Variants in FCSK observed in about 807,000 individuals in gnomAD.
The protein encoded by FCSK is fucose kinase.
FCSK carries 123 observed loss-of-function variants against 122.5 expected under a neutral mutation model. The ratio of observed to expected loss-of-function variants is 1.00; its 90% CI spans 0.87 to 1.17. The LOEUF (loss-of-function observed/expected upper bound fraction) is 1.17, where lower values mean the gene tolerates loss of function less well. FCSK is among the 50% of genes most tolerant of loss of function. FCSK has a pLI of 0.00. For missense variants in FCSK, 1,366 were observed against 1,450.4 expected (o/e 0.94, Z 0.95); for synonymous variants, 620 against 625.5 (o/e 0.99, Z 0.13).
intron 2 of FCSK, 92 bp from the exon 3 acceptor site, chr16:70,463,531 G>C: frequency 6.6e-7 from 1 of 1,521,232 alleles, no homozygotes; most frequent in Non-Finnish European, 9.0e-7. Flanking sequence ...AGTCAAGGAA[G>C]ATCAAACACT....
Position 70,466,266 on chromosome 16 carries a change from G to A in FCSK, c.411+9G>A, listed in dbSNP as rs2048416147. On this transcript the variant is annotated intron_variant, in intron 5 of 23. Coordinates refer to ENST00000288078, the MANE Select transcript of FCSK (RefSeq NM_145059.3). ...ACATCATGACCTATCGGGTGAGGCT[G>A]GGTGGTGGCCCGTGGTGCCTCGTCC... 2 of 1,613,684 alleles carry A rather than the reference G, an allele frequency of 1.2e-6. No homozygotes were observed. The highest frequency in any genetic ancestry group is 1.7e-5 in the Admixed American group (1 of 59,982).
At position 70,474,157 on chromosome 16, in the gene FCSK, G is replaced by A; in HGVS notation, c.1806G>A (p.Val602=). The change falls in exon 16 of 24, where the codon GTG becomes GTA. Residue 602 remains valine (V), a synonymous_variant. Transcript: ENST00000288078. ...CAGCTGGGGCAGGAGACCCTGGTGTGGCGGCACGGGCACTGGCCTGTGTGG... is the reference window on the plus strand; with the variant it reads ...CAGCTGGGGCAGGAGACCCTGGTGTAGCGGCACGGGCACTGGCCTGTGTGG... ...QVAAGAGDPG[V]AARALACVAD... is the part of the protein sequence containing the mutation. 1 of 1,553,650 alleles carries A rather than the reference G, an allele frequency of 6.4e-7. No homozygotes were observed. Among genetic ancestry groups the A allele is most frequent in the South Asian group, 1.2e-5 (1 of 84,546 alleles).
At position 70,474,544 on chromosome 16, in the gene FCSK, C is replaced by T. The variant is rs376479038; in HGVS notation, c.2005C>T (p.Arg669Ter). The T allele has an allele frequency of 8.1e-5, 126 of 1,547,468 alleles. 1 individual carries two copies. The highest frequency in any genetic ancestry group is 4.0e-4 in the African/African-American group (29 of 73,238). The change falls in exon 17 of 24, where the codon CGA (arginine) becomes TGA (stop). Residue 669 changes from arginine (R) to a stop codon, truncating the protein, a stop_gained. Transcript: ENST00000288078. LOFTEE classifies it high-confidence loss of function. ...KWLSRPALLV[R>*]AARHYEGAGQ... ...TCTTGGCAGGCCAGCCTTGCTGGTG[C>T]GAGCGGCCCGCCACTATGAGGGGGC...
chr16:70,475,151 G>A (rs1484484833), intron 18 of FCSK, 140 bp downstream of exon 18: 5 of 994,950 alleles, frequency 5.0e-6, no homozygotes, highest in African/African-American at 3.3e-5. Context: ...AAGGGGCTGG[G>A]AGTCAACCTG....
chr16:70,460,173 G>A (rs758170196), intron 1 of FCSK, among the ~76,000 whole-genome samples: 4 of 146,636 alleles, frequency 2.7e-5, no homozygotes, highest in Admixed American at 6.9e-5. Context: ...GTGCAGTGGC[G>A]TGATCTCTGC....
At chr16:70,457,530 C>T (rs1380445053) in intron 1 of FCSK, among the ~76,000 whole-genome samples, 2 of 152,132 alleles carry the variant, frequency 1.3e-5, no homozygotes, top group Non-Finnish European at 2.9e-5. Context: ...GCTGGGATTC[C>T]GGATGTGAGC....
At position 70,466,190 on chromosome 16, in the gene FCSK, A is replaced by G; in HGVS notation, c.344A>G (p.Asn115Ser). Residue 115 changes from asparagine to serine, a missense_variant, in exon 5 of 24, where the codon AAC becomes AGC. Coordinates refer to ENST00000288078, the MANE Select transcript of FCSK (RefSeq NM_145059.3). ...GCTTTCACCTGCCTCCCCGTGGAGAACCCCGAGGCCCCCGTGGAAGCCTTG... is the reference window on the plus strand; with the variant it reads ...GCTTTCACCTGCCTCCCCGTGGAGAGCCCCGAGGCCCCCGTGGAAGCCTTG... ...GRAFTCLPVENPEAPVEALVC... is the reference protein window; with the variant it reads ...GRAFTCLPVESPEAPVEALVC... The G allele has an allele frequency of 6.2e-7, 1 of 1,613,748 alleles. No individual in the cohort carries two copies. The highest frequency in any genetic ancestry group is 8.5e-7 in the Non-Finnish European group (1 of 1,179,850).
chr16:70,457,119 GACTGT>G (rs1421855659), intron 1 of FCSK, among the ~76,000 whole-genome samples: 2 of 152,082 alleles, frequency 1.3e-5, no homozygotes, highest in Non-Finnish European at 2.9e-5. Context: ...CGCAACCCAG[GACTGT>G]TCCTCTGCCC....
rs192595927 is a variant in FCSK, at chr16:70,477,827, C to T, written c.2642-445C>T. On this transcript the variant is annotated intron_variant, in intron 20 of 23. Transcript: ENST00000288078. Reference sequence around the variant, plus strand: ...CTCCCTAGAAGCTGGGATTACAGGGCATGCACCACCATGCCTGGCTAATTT... The same window carrying T: ...CTCCCTAGAAGCTGGGATTACAGGGTATGCACCACCATGCCTGGCTAATTT... 17 of 169,792 alleles carry T rather than the reference C, an allele frequency of 1.0e-4. No homozygotes were observed. In the East Asian group the frequency reaches 1.7e-3, roughly 17 times the overall value. The allele number at this position is 169,792 out of a possible 1,614,324, so 10.5% of individuals were successfully genotyped here. A position where few individuals can be genotyped will look rare whatever the true frequency, so the allele number is the denominator to read the frequency against.
intron 14 of FCSK, 152 bp from the exon 15 acceptor site, chr16:70,472,831 G>A: frequency 2.0e-6 from 2 of 985,848 alleles, no homozygotes; most frequent in Non-Finnish European, 2.9e-6. Context: ...GGGAAAGGAT[G>A]CCAGGCAGCC....
chr16:70,466,880 A>G lies in FCSK; in HGVS notation c.412-2A>G, dbSNP rs1430022258. ...CTGTGTTCTGTCTCCTTCCCCCCAC[A>G]GCTGGGCCCGGGCTCCCCGCCAGGC... On this transcript the variant is annotated splice_acceptor_variant, in intron 5 of 23. Coordinates refer to ENST00000288078, the MANE Select transcript of FCSK (RefSeq NM_145059.3). LOFTEE classifies it high-confidence loss of function. 16 of 1,613,066 alleles carry G rather than the reference A, an allele frequency of 9.9e-6. No individual in the cohort carries two copies. Among genetic ancestry groups the G allele is most frequent in the Middle Eastern group, 1.7e-4 (1 of 5,900 alleles).
Position 70,463,678 on chromosome 16 carries a change from C to T in FCSK, c.138C>T (p.Ala46=), listed in dbSNP as rs60470914. The T allele has an allele frequency of 1.2e-5, 20 of 1,613,058 alleles. No individual in the cohort carries two copies. Among genetic ancestry groups the T allele is most frequent in the African/African-American group, 5.3e-5 (4 of 74,836 alleles). The stretch of plus-strand genomic sequence containing the variant: ...TCCCTGCTGGGACGCTGTTACTGGC[C>T]GTGGAGGACCCAGAGAAGCGTGTGG... The part of the protein sequence containing the change: ...EQIPAGTLLL[A]VEDPEKRVGS... Residue 46 remains alanine, a synonymous_variant, in exon 3 of 24, where the codon GCC becomes GCT. Transcript: ENST00000288078.
intron 2 of FCSK, 116 bp from the exon 3 acceptor site, chr16:70,463,507 T>G: frequency 7.3e-7 from 1 of 1,377,478 alleles, no homozygotes; most frequent in South Asian, 1.3e-5. Context: ...AGTGGCCTCC[T>G]ACATGGAAAG....
chr16:70,462,144 G>T (rs534651992), intron 1 of FCSK: 3 of 149,776 alleles, frequency 2.0e-5, no homozygotes, highest in East Asian at 3.9e-4. Flanking sequence ...CATTTTATTT[G>T]ACTTTTTTTT....
rs1267430816 is a variant in FCSK, at chr16:70,473,069, G to A, written c.1493G>A (p.Arg498Lys). 6.3e-7 allele frequency: 1 copy of A among 1,590,940 alleles called. No homozygotes were observed. Among genetic ancestry groups the A allele is most frequent in the East Asian group, 2.3e-5 (1 of 43,566 alleles). Residue 498 changes from arginine (R) to lysine (K), a missense_variant, in exon 15 of 24, where the codon AGG (arginine) becomes AAG (lysine). Physicochemically the swap from Arg to Lys is conservative, Grantham distance 26. Transcript: ENST00000288078. The surrounding 1 kb of genome is among the most constrained non-coding windows in gnomAD (Gnocchi z 4.9). ...CTCTTTCCTGTGCTCCACCCCTCGA[G>A]GGAGCTGGGACCCCAGGACCTGCTG... ...ARLFPVLHPSRELGPQDLLWM... is the reference protein window; with the variant it reads ...ARLFPVLHPSKELGPQDLLWM...
chr16:70,465,282 A>G, intron 4 of FCSK, 106 bp downstream of exon 4: 8 of 1,120,988 alleles, frequency 7.1e-6, no homozygotes, highest in Non-Finnish European at 1.0e-5. Flanking sequence ...GCAAGATGAA[A>G]TCTGAAAGAT....
At chr16:70,461,488 C>T (rs531471955) in intron 1 of FCSK, among the ~76,000 whole-genome samples, 214 of 152,192 alleles carry the variant, frequency 1.4e-3, no homozygotes, top group Non-Finnish European at 2.2e-3. Flanking sequence ...GAAGCCAAAT[C>T]TTTGGCCTTG....
intron 13 of FCSK, among the ~76,000 whole-genome samples, chr16:70,472,176 T>C (rs965238751): frequency 6.6e-6 from 1 of 152,128 alleles, no homozygotes; most frequent in African/African-American, 2.4e-5. Context: ...TAACCCGCCT[T>C]GGGCTGCAGC....
chr16:70,475,988 CCA>C, intron 20 of FCSK: 1 of 463,850 alleles, frequency 2.2e-6, no homozygotes, highest in South Asian at 4.7e-5. Context: ...CTACTGAGTG[CCA>C]GATTCTGTGC....
Sources: allele counts gnomAD v4.1 joint callset (sites outside exome capture counted in the v4.1 genomes callset), GRCh38; gene constraint gnomAD v4.1.1; non-coding constraint Gnocchi (gnomAD v3.1); transcripts MANE v1.5; gene names NCBI Gene and HGNC (gene_info 2026-07-23, HGNC 2026-07-21).